Variants in UBE2V1 observed in about 807,000 individuals in gnomAD.
UBE2V1 encodes ubiquitin-conjugating enzyme E2 variant 1.
Under a neutral mutation model 19.6 loss-of-function variants are expected in UBE2V1, and 15 were observed. The observed-to-expected ratio is 0.77, with a 90% confidence interval of 0.51 to 1.18. The LOEUF (loss-of-function observed/expected upper bound fraction) is 1.18, where lower values mean the gene tolerates loss of function less well. Among genes scored for constraint, UBE2V1 ranks in the 50% most tolerant of loss-of-function variants. UBE2V1 has a pLI of 0.00. For missense variants in UBE2V1, 125 were observed against 184.8 expected (o/e 0.68, Z 1.88); for synonymous variants, 60 against 60.7 (o/e 0.99, Z 0.05).
chr20:50,101,013 T>C (rs989866875), intron 1 of UBE2V1, among the ~76,000 whole-genome samples: 5 of 152,226 alleles, frequency 3.3e-5, no homozygotes, highest in Admixed American at 2.6e-4. Context: ...ACATTTCTAC[T>C]GGATTAGATA....
intron 2 of UBE2V1, chr20:50,084,891 C>CTT (rs200222788): frequency 0.099 from 10,697 of 108,534 alleles, 1,013 homozygotes; most frequent in African/African-American, 0.13. Context: ...GAAAAGCAGT[C>CTT]TTTTTTTTTT....
At chr20:50,099,075 G>A in intron 1 of UBE2V1, 1 of 676,406 alleles carries the variant, frequency 1.5e-6, no homozygotes, top group Non-Finnish European at 1.8e-6. Flanking sequence ...ATCCTAATTA[G>A]GCTAGCGGGG....
intron 2 of UBE2V1, among the ~76,000 whole-genome samples, chr20:50,091,019 C>T (rs6020247): frequency 0.33 from 50,380 of 151,836 alleles, 9,150 homozygotes; most frequent in African/African-American, 0.5. Context: ...CTAAGTTAAC[C>T]TCTTATTCTA....
intron 2 of UBE2V1, among the ~76,000 whole-genome samples, chr20:50,088,849 A>G (rs1018336934): frequency 6.6e-6 from 1 of 152,100 alleles, no homozygotes; most frequent in Non-Finnish European, 1.5e-5. Context: ...AAAAATATGC[A>G]AGGAAAATTA....
At position 50,110,136 on chromosome 20, in the gene UBE2V1, T is replaced by C. The variant is rs374746564; in HGVS notation, c.22+2971A>G. Among the ~76,000 whole-genome samples the C allele has an allele frequency of 1.0e-3, 159 of 152,368 alleles. 3 individuals carry two copies. Among genetic ancestry groups the C allele is most frequent in the African/African-American group, 3.6e-3 (149 of 41,584 alleles). On this transcript the variant is annotated intron_variant, in intron 1 of 3. Coordinates refer to ENST00000371674, the MANE Select transcript of UBE2V1 (RefSeq NM_001032288.3). ...GCTTACCCCTCTGGCACTCATTTTCTGATTAAATGTCAGGGAAGCTCGTGG... is the reference window on the plus strand; with the variant it reads ...GCTTACCCCTCTGGCACTCATTTTCCGATTAAATGTCAGGGAAGCTCGTGG...
intron 1 of UBE2V1, among the ~76,000 whole-genome samples, chr20:50,108,709 G>A (rs1228387015): frequency 6.6e-6 from 1 of 152,186 alleles, no homozygotes; most frequent in Non-Finnish European, 1.5e-5. Context: ...ATAAGGATGA[G>A]GTACTACTTT....
At chr20:50,104,743 T>A (rs2080248589) in intron 1 of UBE2V1, among the ~76,000 whole-genome samples, 1 of 151,920 alleles carries the variant, frequency 6.6e-6, no homozygotes, top group Non-Finnish European at 1.5e-5. Flanking sequence ...AATTTATTTT[T>A]AGAGATGGAG....
rs755289919 is a variant in UBE2V1 at position 50,082,899 on chromosome 20, T to G, written c.313A>C (p.Ile105Leu). 6.2e-7 allele frequency: 1 copy of G among 1,608,836 alleles called. No individual in the cohort carries two copies. The highest frequency in any genetic ancestry group is 1.7e-5 in the Admixed American group (1 of 60,010). The change falls in exon 4 of 4, where the codon ATA (isoleucine) becomes CTA (leucine). Residue 105 changes from isoleucine (I) to leucine (L), a missense_variant. This residue lies in a region of UBE2V1 where 78 missense variants were observed against 108.8 expected (regional missense o/e 0.72). Transcript: ENST00000371674. Reference protein sequence around the residue: ...SSNGVVDPRAISVLAKWQNSY... With the variant: ...SSNGVVDPRALSVLAKWQNSY... Reference sequence around the variant, plus strand: ...TTCTGCCATTTTGCTAGCACTGATATGGCTCTTGGGTCCACCTACAACAAG... The same window carrying G: ...TTCTGCCATTTTGCTAGCACTGATAGGGCTCTTGGGTCCACCTACAACAAG...
At chr20:50,111,448 G>A in intron 1 of UBE2V1, 1 of 1,000,310 alleles carries the variant, frequency 1.0e-6, no homozygotes, top group Non-Finnish European at 1.2e-6. Flanking sequence ...CGACCCGGTA[G>A]GAGTGTTATT....
chr20:50,097,507 C>G (rs1294002151), intron 1 of UBE2V1, among the ~76,000 whole-genome samples: 4 of 152,164 alleles, frequency 2.6e-5, no homozygotes, highest in African/African-American at 9.7e-5. Flanking sequence ...CGGGTTCAGG[C>G]TGAGGCTTGA....
Position 50,086,279 on chromosome 20 carries a change from C to T in UBE2V1, c.172-2025G>A, listed in dbSNP as rs567084481. Among the ~76,000 whole-genome samples, 328 of 152,292 alleles carry T rather than the reference C, an allele frequency of 2.2e-3. 3 individuals carry two copies. The highest frequency in any genetic ancestry group is 3.5e-3 in the Non-Finnish European group (236 of 68,024). On this transcript the variant is annotated intron_variant, in intron 2 of 3. Transcript: ENST00000371674. Reference sequence around the variant, plus strand: ...TTGGAAGTGTTCCCGATCCCCTCAGCCCCTCCCAACTGAGGCTCAGTTATG... The same window carrying T: ...TTGGAAGTGTTCCCGATCCCCTCAGTCCCTCCCAACTGAGGCTCAGTTATG...
chr20:50,108,970 T>C, intron 1 of UBE2V1: 1 of 985,454 alleles, frequency 1.0e-6, no homozygotes, highest in Non-Finnish European at 1.2e-6. Flanking sequence ...CCTAAATCCA[T>C]GCCTTTTCCA....
intron 2 of UBE2V1, among the ~76,000 whole-genome samples, chr20:50,086,361 C>T (rs2078914720): frequency 6.6e-6 from 1 of 152,128 alleles, no homozygotes; most frequent in African/African-American, 2.4e-5. Context: ...GACAGGGGCC[C>T]TCAACTGAAT....
chr20:50,111,103 G>A (rs977836188), intron 1 of UBE2V1, among the ~76,000 whole-genome samples: 3 of 152,158 alleles, frequency 2.0e-5, no homozygotes, highest in Non-Finnish European at 4.4e-5. Context: ...TGCTATCCAC[G>A]ATGGGACATA....
intron 1 of UBE2V1, chr20:50,111,413 G>A: frequency 2.0e-6 from 2 of 1,000,286 alleles, no homozygotes; most frequent in Non-Finnish European, 2.4e-6. Context: ...GCTACCACCA[G>A]CACACTGGGC....
At chr20:50,108,529 T>C (rs1478992774) in intron 1 of UBE2V1, among the ~76,000 whole-genome samples, 2 of 152,182 alleles carry the variant, frequency 1.3e-5, no homozygotes, top group Admixed American at 1.3e-4. Context: ...GCACCCAGGC[T>C]CTGCACCTCA....
chr20:50,100,472 C>T (rs2079917271), intron 1 of UBE2V1, among the ~76,000 whole-genome samples: 1 of 151,648 alleles, frequency 6.6e-6, no homozygotes, highest in Admixed American at 6.6e-5. Context: ...GTAGTCCCAG[C>T]TACTCGGGAG....
chr20:50,104,657 A>C (rs1386097681), intron 1 of UBE2V1, among the ~76,000 whole-genome samples: 1 of 87,402 alleles, frequency 1.1e-5, no homozygotes, highest in Admixed American at 1.4e-4. Flanking sequence ...CTCTGGCACA[A>C]AAAAAAAAAA....
chr20:50,094,298 T>TCATTATATAATATATAAGGCATTATATA (rs59144352), intron 2 of UBE2V1, among the ~76,000 whole-genome samples: 1 of 81,140 alleles, frequency 1.2e-5, no homozygotes. Flanking sequence ...AATATATAAT[T>TCATTATATAATATATAAGGCATTATATA]ATATATAATA....
Sources: gnomAD v4.1 joint callset for allele counts (sites outside exome capture counted in the v4.1 genomes callset) on GRCh38, gnomAD v4.1.1 for gene constraint, gnomAD v4.1.1 regional missense constraint, MANE v1.5 for transcripts, NCBI Gene and HGNC (gene_info 2026-07-23, HGNC 2026-07-21) for gene names.